ZC2HC1B: variants seen among roughly 807,000 people sequenced by gnomAD.
ZC2HC1B encodes the protein zinc finger C2HC-type containing 1B.
Under a neutral mutation model 31.0 loss-of-function variants are expected in ZC2HC1B, and 36 were observed. That is an observed-to-expected ratio of 1.16 (90% CI 0.89 to 1.54). The LOEUF (loss-of-function observed/expected upper bound fraction) is 1.54, where lower values mean the gene tolerates loss of function less well. ZC2HC1B is among the 40% of genes most tolerant of loss of function. The pLI is 0.00. For missense variants in ZC2HC1B, 260 were observed against 268.6 expected (o/e 0.97, Z 0.22); for synonymous variants, 73 against 88.0 (o/e 0.83, Z 0.95).
intron 1 of ZC2HC1B, among the ~76,000 whole-genome samples, chr6:143,876,015 CT>C (rs1439632169): frequency 2.0e-5 from 3 of 150,704 alleles, no homozygotes; most frequent in Non-Finnish European, 4.4e-5. Context: ...GGGTCCCATT[CT>C]TTTCTAATCA....
At chr6:143,891,083 A>G (rs546271382) in intron 4 of ZC2HC1B, among the ~76,000 whole-genome samples, 2 of 151,054 alleles carry the variant, frequency 1.3e-5, no homozygotes, top group Non-Finnish European at 2.9e-5. Context: ...GTAAGCTGAG[A>G]TCGCACCACT....
chr6:143,873,379 C>G (rs887366528), intron 1 of ZC2HC1B, among the ~76,000 whole-genome samples: 2 of 152,172 alleles, frequency 1.3e-5, no homozygotes, highest in Non-Finnish European at 2.9e-5. Context: ...CATGGCTTTT[C>G]GAGCCACACA....
chr6:143,896,195 G>A (rs1406435986), intron 4 of ZC2HC1B, among the ~76,000 whole-genome samples: 3 of 152,094 alleles, frequency 2.0e-5, no homozygotes, highest in African/African-American at 7.2e-5. Context: ...TTGTCTGTTT[G>A]CCTAATCATC....
chr6:143,869,738 T>C lies in ZC2HC1B; in HGVS notation c.28+5171T>C, dbSNP rs1469644386. The stretch of plus-strand genomic sequence containing the variant: ...AAGTGGTGCCATATCGAGGTCTCAG[T>C]GTTGGTCTCTGCTGCTGGCAAATTG... On this transcript the variant is annotated intron_variant, in intron 1 of 7. Coordinates refer to ENST00000237275, the MANE Select transcript of ZC2HC1B (RefSeq NM_001013623.3). The surrounding 1 kb of genome is among the most constrained non-coding windows in gnomAD (Gnocchi z 5.2). Among the ~76,000 whole-genome samples the C allele has an allele frequency of 1.3e-5, 2 of 152,194 alleles. No individual in the cohort carries two copies. Among genetic ancestry groups the C allele is most frequent in the African/African-American group, 4.8e-5 (2 of 41,448 alleles).
At position 143,882,334 on chromosome 6, in the gene ZC2HC1B, TTATATATATATA is replaced by T. The variant is rs59777839; in HGVS notation, c.29-1946_29-1935del. ...AATATGTATACATATTTTATATTTT[TTATATATATATA>T]TATATATATATATATATATATATTT... On this transcript the variant is annotated intron_variant, in intron 1 of 7. Coordinates refer to ENST00000237275, the MANE Select transcript of ZC2HC1B (RefSeq NM_001013623.3). Among the ~76,000 whole-genome samples the T allele has an allele frequency of 1.9e-3, 165 of 85,534 alleles. 8 individuals are homozygous for T. Among genetic ancestry groups the T allele is most frequent in the African/African-American group, 7.8e-3 (123 of 15,694 alleles). The allele number at this position is 85,534 out of a possible 152,430, so 56.1% of individuals were successfully genotyped here.
At chr6:143,888,343 G>A (rs1221240984) in intron 4 of ZC2HC1B, among the ~76,000 whole-genome samples, 1 of 151,980 alleles carries the variant, frequency 6.6e-6, no homozygotes, top group Non-Finnish European at 1.5e-5. Flanking sequence ...TTTGAGTTCT[G>A]CAAAATATAC....
chr6:143,902,932 C>A (rs918708378), intron 5 of ZC2HC1B, 112 bp from the exon 6 acceptor site: 4 of 928,698 alleles, frequency 4.3e-6, no homozygotes, highest in South Asian at 1.6e-5. Flanking sequence ...GGAGTCCCTG[C>A]AGATGATACC....
chr6:143,901,306 C>A (rs1013201019), intron 5 of ZC2HC1B, among the ~76,000 whole-genome samples: 3 of 120,590 alleles, frequency 2.5e-5, no homozygotes, highest in Admixed American at 1.1e-4. Flanking sequence ...GTTGCCCAGG[C>A]TGGAGTGCAG....
In ZC2HC1B at chr6:143,883,186, C is replaced by T. The variant is rs56910086; in HGVS notation, c.29-1118C>T. Among the ~76,000 whole-genome samples, 34,579 of 152,034 alleles carry T rather than the reference C, an allele frequency of 0.23. 4,232 individuals carry two copies. Among genetic ancestry groups the T allele is most frequent in the Admixed American group, 0.31 (4,660 of 15,274 alleles). Reference sequence around the variant, plus strand: ...TCCTGAGTAGCTGGGACCACAGGCGCGAGCCACCAAGCCCAACTAATTTTT... The same window carrying T: ...TCCTGAGTAGCTGGGACCACAGGCGTGAGCCACCAAGCCCAACTAATTTTT... On this transcript the variant is annotated intron_variant, in intron 1 of 7. Transcript: ENST00000237275. This position sits in a 1 kb window ranked among gnomAD's most constrained non-coding sequence, Gnocchi z 4.1.
chr6:143,878,267 T>C (rs1777430758), intron 1 of ZC2HC1B, among the ~76,000 whole-genome samples: 1 of 150,872 alleles, frequency 6.6e-6, no homozygotes, highest in African/African-American at 2.4e-5. Flanking sequence ...GGCTATTTAG[T>C]GCCACATTTT....
At chr6:143,876,452 G>C (rs1444632313) in intron 1 of ZC2HC1B, among the ~76,000 whole-genome samples, 1 of 150,164 alleles carries the variant, frequency 6.7e-6, no homozygotes. Context: ...CATACTATTA[G>C]AAGTAGAGTC....
At chr6:143,928,900 A>T (rs764853458) in intron 6 of ZC2HC1B, among the ~76,000 whole-genome samples, 21 of 145,596 alleles carry the variant, frequency 1.4e-4, no homozygotes, top group Non-Finnish European at 2.2e-4. Flanking sequence ...CATGATTATT[A>T]TTGCTGTATA....
intron 6 of ZC2HC1B, among the ~76,000 whole-genome samples, chr6:143,907,455 T>C (rs1049173072): frequency 6.6e-6 from 1 of 152,250 alleles, no homozygotes; most frequent in Non-Finnish European, 1.5e-5. Flanking sequence ...ATTTTTTAAC[T>C]TTTTAATAAT....
chr6:143,927,647 G>C (rs935345883), intron 6 of ZC2HC1B, among the ~76,000 whole-genome samples: 1 of 152,214 alleles, frequency 6.6e-6, no homozygotes, highest in East Asian at 1.9e-4. Flanking sequence ...TTTCCTTTGA[G>C]TATATGCCCA....
rs1213268845 is a variant in ZC2HC1B, at chr6:143,918,581, TAA to T, written c.598+15431_598+15432del. On this transcript the variant is annotated intron_variant, in intron 6 of 7. Transcript: ENST00000237275. This position sits in a 1 kb window ranked among gnomAD's most constrained non-coding sequence, Gnocchi z 4.1. ...TTACTTTTAGTTTTTGAATGATTCT[TAA>T]ATGTTTATAGTCATGTCTTTTGTTA... Among the ~76,000 whole-genome samples, 1 of 152,218 alleles carries T rather than the reference TAA, an allele frequency of 6.6e-6. No individual in the cohort carries two copies. The highest frequency in any genetic ancestry group is 1.5e-5 in the Non-Finnish European group (1 of 68,042).
intron 1 of ZC2HC1B, among the ~76,000 whole-genome samples, chr6:143,881,085 C>T (rs1336394261): frequency 6.6e-6 from 1 of 152,166 alleles, no homozygotes; most frequent in Non-Finnish European, 1.5e-5. Flanking sequence ...CACCTTCCAC[C>T]CCACTCCCAC....
intron 5 of ZC2HC1B, 61 bp from the exon 6 acceptor site, chr6:143,902,983 G>A: frequency 6.8e-7 from 1 of 1,473,408 alleles, no homozygotes. Flanking sequence ...TACCTCCTAT[G>A]TGGCACCTGA....
At chr6:143,894,577 A>G (rs1440646934) in intron 4 of ZC2HC1B, among the ~76,000 whole-genome samples, 1 of 152,232 alleles carries the variant, frequency 6.6e-6, no homozygotes, top group Non-Finnish European at 1.5e-5. Context: ...TCTATACCAG[A>G]AAATAATCCT....
In ZC2HC1B at chr6:143,899,271, C is replaced by T. The variant is rs1227276052; in HGVS notation, c.489+580C>T. Among the ~76,000 whole-genome samples the T allele has an allele frequency of 6.6e-6, 1 of 152,288 alleles. No individual in the cohort carries two copies. Among genetic ancestry groups the T allele is most frequent in the Non-Finnish European group, 1.5e-5 (1 of 68,020 alleles). On this transcript the variant is annotated intron_variant, in intron 5 of 7. Transcript: ENST00000237275. The surrounding 1 kb of genome is among the most constrained non-coding windows in gnomAD (Gnocchi z 5.0). ...GAGCCAGCAAACAGCACCATACAGTCGAAGGTCTCAGGTACATACTTACAA... is the reference window on the plus strand; with the variant it reads ...GAGCCAGCAAACAGCACCATACAGTTGAAGGTCTCAGGTACATACTTACAA...
Sources: gnomAD v4.1 joint callset for allele counts (sites outside exome capture counted in the v4.1 genomes callset) on GRCh38, gnomAD v4.1.1 for gene constraint, Gnocchi (gnomAD v3.1) non-coding constraint, MANE v1.5 for transcripts, NCBI Gene and HGNC (gene_info 2026-07-23, HGNC 2026-07-21) for gene names.